TENM2: variants seen among roughly 807,000 people sequenced by gnomAD.
The protein encoded by TENM2 is teneurin transmembrane protein 2.
In TENM2, 52 loss-of-function variants were observed where a neutral mutation model predicts 245.2. That is an observed-to-expected ratio of 0.21 (90% confidence interval 0.17 to 0.27). The LOEUF (loss-of-function observed/expected upper bound fraction) is 0.27. Ranked by LOEUF, TENM2 falls within the 10% of genes least tolerant of loss-of-function variation. TENM2 has a pLI of 1.00. For synonymous variants in TENM2, 1,363 were observed against 1,438.9 expected, an observed-to-expected ratio of 0.95 and a Z score of 1.19; for missense variants, 3,046 against 3,666.8, an observed-to-expected ratio of 0.83 and a Z score of 4.37.
intron 2 of TENM2, among the ~76,000 whole-genome samples, chr5:167,431,970 T>TGTATATATATATATATATATATATAC (rs1554150945): frequency 7.4e-6 from 1 of 135,530 alleles, no homozygotes; most frequent in African/African-American, 2.9e-5. Context: ...TGTATATATA[T>TGTATATATATATATATATATATATAC]ATATATATGG....
chr5:167,598,927 T>C (rs919442702), intron 2 of TENM2, among the ~76,000 whole-genome samples: 16 of 152,230 alleles, frequency 1.1e-4, no homozygotes, highest in African/African-American at 3.6e-4. Context: ...TCTTTTGAAC[T>C]TCATTTGAGC....
chr5:168,247,021 T>A lies in TENM2; in HGVS notation c.6082T>A (p.Leu2028Ile). ...CTACAAGTATGGGAAACTCTCCAAG[T>A]TATCAGAGATTGTCTACGACAGTAC... The change falls in exon 27 of 29, where the codon TTA becomes ATA. Residue 2028 changes from leucine to isoleucine, a missense_variant. Physicochemically the swap from Leu to Ile is conservative, Grantham distance 5 (BLOSUM62 2). This residue lies in a region of TENM2 where 2,704 missense variants were observed against 3,331.9 expected (regional missense o/e 0.81). Transcript: ENST00000518659. The surrounding 1 kb of genome is among the most constrained non-coding windows in gnomAD (Gnocchi z 7.8). 1 of 1,613,984 alleles carries A rather than the reference T, an allele frequency of 6.2e-7. No homozygotes were observed. The highest frequency in any genetic ancestry group is 8.5e-7 in the Non-Finnish European group (1 of 1,179,884).
intron 2 of TENM2, among the ~76,000 whole-genome samples, chr5:167,400,396 G>T (rs1177869860): frequency 6.6e-6 from 1 of 152,052 alleles, no homozygotes; most frequent in African/African-American, 2.4e-5. Context: ...GGATGACTAG[G>T]TTAGAGTATA....
chr5:167,264,655 C>T, the TENM2 span, among the ~76,000 whole-genome samples: 2 of 152,154 alleles, frequency 1.3e-5, no homozygotes, highest in African/African-American at 4.8e-5. Context: ...CCCAAGCAAG[C>T]ACTGAGTCAA....
chr5:167,952,598 C>T, exon 4 of TENM2: 3 of 1,610,690 alleles, frequency 1.9e-6, no homozygotes, highest in Non-Finnish European at 2.5e-6. Flanking sequence ...GCCCTCCGAA[C>T]CACCACAGCC....
chr5:167,553,984 G>A (rs947055678), intron 2 of TENM2, among the ~76,000 whole-genome samples: 3 of 152,150 alleles, frequency 2.0e-5, no homozygotes, highest in Admixed American at 1.3e-4. Flanking sequence ...TCCTCTTCAG[G>A]TCTCACAACA....
At chr5:167,729,016 T>G (rs1760232779) in intron 2 of TENM2, 1 of 152,238 alleles carries the variant, frequency 6.6e-6, no homozygotes, top group Non-Finnish European at 1.5e-5. Flanking sequence ...GATAACCCAA[T>G]TTCATTTTAC....
At chr5:167,902,606 A>G (rs1775793386) in intron 3 of TENM2, among the ~76,000 whole-genome samples, 1 of 152,208 alleles carries the variant, frequency 6.6e-6, no homozygotes. Context: ...AGACGGTTGT[A>G]AAACTCCTGG....
chr5:167,722,216 C>T (rs563738485), intron 2 of TENM2, among the ~76,000 whole-genome samples: 43 of 152,192 alleles, frequency 2.8e-4, no homozygotes, highest in Non-Finnish European at 5.4e-4. Flanking sequence ...CTGGTGTCAG[C>T]AAGCATGTGC....
intron 2 of TENM2, among the ~76,000 whole-genome samples, chr5:167,767,316 G>C (rs970779336): frequency 6.6e-6 from 1 of 152,178 alleles, no homozygotes; most frequent in Non-Finnish European, 1.5e-5. Flanking sequence ...AATATTGTAT[G>C]ATTCTACTTA....
At chr5:167,639,688 C>T (rs893890824) in intron 2 of TENM2, among the ~76,000 whole-genome samples, 4 of 152,082 alleles carry the variant, frequency 2.6e-5, no homozygotes, top group African/African-American at 9.7e-5. Context: ...TGCAATAGAG[C>T]TTTAGCCAGC....
chr5:167,205,294 T>C, the TENM2 span, among the ~76,000 whole-genome samples: 3 of 152,152 alleles, frequency 2.0e-5, no homozygotes, highest in Admixed American at 6.5e-5. Flanking sequence ...GGCACGAGAA[T>C]CGCTTGGACC....
At chr5:167,117,098 C>T in the TENM2 span, among the ~76,000 whole-genome samples, 1 of 152,296 alleles carries the variant, frequency 6.6e-6, no homozygotes, top group African/African-American at 2.4e-5. Flanking sequence ...TGGTGGTATA[C>T]CTAAGGCCTT....
intron 2 of TENM2, among the ~76,000 whole-genome samples, chr5:167,853,158 C>T (rs1442474599): frequency 2.0e-5 from 3 of 151,128 alleles, no homozygotes; most frequent in South Asian, 2.1e-4. Flanking sequence ...GGCGTGGTGG[C>T]GGGCGCCTGT....
At chr5:167,670,536 T>C (rs180881944) in intron 2 of TENM2, among the ~76,000 whole-genome samples, 1 of 152,146 alleles carries the variant, frequency 6.6e-6, no homozygotes, top group Non-Finnish European at 1.5e-5. Context: ...TGTATGAGAC[T>C]CAGGAAACAA....
intron 10 of TENM2, among the ~76,000 whole-genome samples, chr5:168,120,011 A>G (rs1283876128): frequency 1.3e-5 from 2 of 152,104 alleles, no homozygotes; most frequent in South Asian, 2.1e-4. Flanking sequence ...ATACAAAATA[A>G]CCAATCATCA....
rs550678353 is a variant in TENM2 at position 168,025,267 on chromosome 5, G to A, written c.1187-22160G>A. Among the ~76,000 whole-genome samples, 5 of 152,272 alleles carry A rather than the reference G, an allele frequency of 3.3e-5. No individual in the cohort carries two copies. The East Asian group carries it at 5.8e-4, about 18-fold the overall frequency. On this transcript the variant is annotated intron_variant, in intron 5 of 28. Transcript: ENST00000518659. ...ATTTTGAGGAAGCCAAACAAATACA[G>A]GCCCTGCATTTCATTTGCATAGCAT...
At chr5:167,894,643 C>G (rs1054608893) in intron 3 of TENM2, among the ~76,000 whole-genome samples, 2 of 152,152 alleles carry the variant, frequency 1.3e-5, no homozygotes, top group Non-Finnish European at 2.9e-5. Flanking sequence ...TGTTCCCCTC[C>G]TCCCTTTCAG....
intron 3 of TENM2, among the ~76,000 whole-genome samples, chr5:167,947,445 C>T (rs1182526218): frequency 6.6e-6 from 1 of 152,142 alleles, no homozygotes; most frequent in Non-Finnish European, 1.5e-5. Flanking sequence ...AAATATGTCA[C>T]TTTCCAGTGT....
Sources: gnomAD v4.1 joint callset for allele counts (sites outside exome capture counted in the v4.1 genomes callset) on GRCh38, gnomAD v4.1.1 for gene constraint, gnomAD v4.1.1 regional missense constraint, Gnocchi (gnomAD v3.1) non-coding constraint, MANE v1.5 for transcripts, NCBI Gene and HGNC (gene_info 2026-07-23, HGNC 2026-07-21) for gene names.